The following SUMF1 variants were observed in gnomAD, a reference collection of about 807,000 sequenced individuals.
SUMF1 encodes formylglycine-generating enzyme.
SUMF1 carries 48 observed loss-of-function variants against 47.6 expected under a neutral mutation model. The ratio of observed to expected loss-of-function variants is 1.01; its 90% CI spans 0.80 to 1.28. SUMF1 has a LOEUF of 1.28. SUMF1 is among the 50% of genes most tolerant of loss of function. The pLI is 0.00. For synonymous variants in SUMF1, 230 were observed against 192.1 expected (o/e 1.20, Z -1.63); for missense variants, 571 against 485.4 (o/e 1.18, Z -1.66).
Position 4,132,776 on chromosome 3 carries a change from T to C in SUMF1, c.1015-64031A>G, listed in dbSNP as rs1049495898. ...GAGTTACAGTGTTGGCTGTGGTGAC[T>C]GACACAGACTATCAAGAAGAAATCA... On this transcript the variant is annotated intron_variant and NMD_transcript_variant, in intron 8 of 12. Coordinates refer to the SUMF1 transcript ENST00000448413. Among the ~76,000 whole-genome samples the C allele has an allele frequency of 3.9e-5, 6 of 152,102 alleles. No homozygotes were observed. The East Asian group carries it at 1.2e-3, about 29-fold the overall frequency.
At chr3:4,297,100 G>C (rs1222087073) in intron 8 of SUMF1, among the ~76,000 whole-genome samples, 1 of 152,122 alleles carries the variant, frequency 6.6e-6, no homozygotes, top group Non-Finnish European at 1.5e-5. Flanking sequence ...CTCAGCTCCT[G>C]ACCAAGAGAA....
chr3:4,035,415 C>T (rs985158665), intron 9 of SUMF1, among the ~76,000 whole-genome samples: 2 of 152,148 alleles, frequency 1.3e-5, no homozygotes, highest in African/African-American at 2.4e-5. Flanking sequence ...GTGAGTTTCT[C>T]ATCTTCTCCC....
At chr3:4,228,187 T>C (rs1410376693) in intron 8 of SUMF1, among the ~76,000 whole-genome samples, 1 of 152,156 alleles carries the variant, frequency 6.6e-6, no homozygotes, top group African/African-American at 2.4e-5. Context: ...CATTTATAAC[T>C]ATGAATCTTC....
intron 8 of SUMF1, among the ~76,000 whole-genome samples, chr3:4,239,747 T>C (rs1360837701): frequency 2.0e-5 from 3 of 152,196 alleles, no homozygotes; most frequent in African/African-American, 4.8e-5. Flanking sequence ...CTTTTCCTAA[T>C]TGAATACCCT....
intron 8 of SUMF1, among the ~76,000 whole-genome samples, chr3:4,155,415 C>A (rs943658656): frequency 6.6e-6 from 1 of 151,598 alleles, no homozygotes; most frequent in African/African-American, 2.4e-5. Flanking sequence ...CTTTTCCCAG[C>A]TCCTTTAGGC....
At chr3:4,425,843 G>C (rs1702050987) in intron 3 of SUMF1, among the ~76,000 whole-genome samples, 3 of 152,164 alleles carry the variant, frequency 2.0e-5, no homozygotes, top group African/African-American at 7.2e-5. Flanking sequence ...TCATGGCGTG[G>C]TGGAAGGTAA....
At chr3:4,356,647 C>A (rs1353345121), downstream of SUMF1, among the ~76,000 whole-genome samples, 1 of 152,036 alleles carries the variant, frequency 6.6e-6, no homozygotes, top group Non-Finnish European at 1.5e-5. Context: ...AAACTGGCAC[C>A]CCGCAGATGA....
intron 8 of SUMF1, chr3:4,313,038 C>T (rs758088270): frequency 9.3e-6 from 15 of 1,613,932 alleles, no homozygotes; most frequent in Non-Finnish European, 1.3e-5. Context: ...ATGATGATAA[C>T]TCATGCCTTA....
chr3:4,072,760 G>T (rs906756135), intron 8 of SUMF1, among the ~76,000 whole-genome samples: 1 of 152,094 alleles, frequency 6.6e-6, no homozygotes, highest in Non-Finnish European at 1.5e-5. Flanking sequence ...TTGATGAAAT[G>T]AAGTGAGAAG....
chr3:4,200,796 G>A (rs1695524605), intron 8 of SUMF1, among the ~76,000 whole-genome samples: 1 of 152,024 alleles, frequency 6.6e-6, no homozygotes, highest in South Asian at 2.1e-4. Context: ...ATACCAAATT[G>A]TTCCAGCATG....
chr3:4,095,652 A>T (rs1692886465), intron 8 of SUMF1, among the ~76,000 whole-genome samples: 1 of 152,108 alleles, frequency 6.6e-6, no homozygotes, highest in African/African-American at 2.4e-5. Flanking sequence ...CCATAAGCAG[A>T]ACAATATAAA....
At chr3:4,330,052 C>G (rs926979417) in intron 8 of SUMF1, among the ~76,000 whole-genome samples, 21 of 152,178 alleles carry the variant, frequency 1.4e-4, no homozygotes, top group African/African-American at 5.1e-4. Context: ...TACCTTTGCT[C>G]CAGTTCCCAA....
intron 8 of SUMF1, among the ~76,000 whole-genome samples, chr3:4,178,926 G>T (rs1407260082): frequency 6.6e-6 from 1 of 152,120 alleles, no homozygotes; most frequent in Admixed American, 6.5e-5. Context: ...AATCATGAAT[G>T]AACTCCCATT....
intron 8 of SUMF1, among the ~76,000 whole-genome samples, chr3:4,294,121 T>C (rs2322679): frequency 0.33 from 50,749 of 152,108 alleles, 9,445 homozygotes; most frequent in Non-Finnish European, 0.43. Context: ...CTTCGTGGAA[T>C]TGTTGTGAGG....
chr3:4,073,304 C>T (rs139447262), intron 8 of SUMF1, among the ~76,000 whole-genome samples: 229 of 152,304 alleles, frequency 1.5e-3, no homozygotes, highest in African/African-American at 5.2e-3. Context: ...TTGTCACCAT[C>T]AGGCCTGCCT....
At chr3:4,446,693 A>G (rs886438877) in intron 3 of SUMF1, among the ~76,000 whole-genome samples, 2 of 152,226 alleles carry the variant, frequency 1.3e-5, no homozygotes, top group African/African-American at 4.8e-5. Context: ...CTGGGGATCC[A>G]GCTACCAACT....
intron 8 of SUMF1, among the ~76,000 whole-genome samples, chr3:4,119,941 A>C (rs547848110): frequency 1.3e-5 from 2 of 152,234 alleles, no homozygotes; most frequent in East Asian, 3.9e-4. Context: ...TCACTCCTTT[A>C]TACTTGAACT....
intron 3 of SUMF1, among the ~76,000 whole-genome samples, chr3:4,442,889 A>C (rs527953101): frequency 6.6e-6 from 1 of 152,128 alleles, no homozygotes; most frequent in East Asian, 1.9e-4. Context: ...TATAAGAAGT[A>C]AGAGAAGAAG....
At chr3:4,407,186 A>AT (rs1487007086) in intron 7 of SUMF1, among the ~76,000 whole-genome samples, 1 of 152,218 alleles carries the variant, frequency 6.6e-6, no homozygotes, top group Non-Finnish European at 1.5e-5. Flanking sequence ...CAAAGCACAC[A>AT]TGGCTGTTTC....
Sources: allele counts gnomAD v4.1 joint callset (sites outside exome capture counted in the v4.1 genomes callset), GRCh38; gene constraint gnomAD v4.1.1; transcripts MANE v1.5; gene names NCBI Gene and HGNC (gene_info 2026-07-23, HGNC 2026-07-21).